Variants in NEGR1 observed in about 807,000 individuals in gnomAD.
NEGR1 encodes neuronal growth regulator 1.
NEGR1 carries 10 observed loss-of-function variants against 40.9 expected under a neutral mutation model. The observed-to-expected ratio is 0.24, with a 90% CI of 0.15 to 0.42. The LOEUF is 0.42. Ranked by LOEUF, NEGR1 falls within the 10% of genes least tolerant of loss-of-function variation. The probability of loss-of-function intolerance (pLI) is 1.00; values close to 1 mark genes in which losing one functional copy is unlikely to be tolerated. For missense variants in NEGR1, 352 were observed against 438.9 expected, an observed-to-expected ratio of 0.80 and a Z score of 1.77; for synonymous variants, 185 against 166.8, an observed-to-expected ratio of 1.11 and a Z score of -0.84.
chr1:71,506,366 C>T (rs1347353125), intron 6 of NEGR1, among the ~76,000 whole-genome samples: 1 of 152,078 alleles, frequency 6.6e-6, no homozygotes, highest in African/African-American at 2.4e-5. Context: ...AAGAGGCAAC[C>T]TGTTACTTTT....
intron 6 of NEGR1, among the ~76,000 whole-genome samples, chr1:71,510,292 C>T (rs1240543691): frequency 1.3e-5 from 2 of 152,084 alleles, no homozygotes; most frequent in African/African-American, 4.8e-5. Flanking sequence ...CTATTAAAAA[C>T]CAAATTAAAC....
chr1:71,769,298 G>A (rs1448282663), intron 3 of NEGR1, among the ~76,000 whole-genome samples: 2 of 152,024 alleles, frequency 1.3e-5, no homozygotes, highest in South Asian at 2.1e-4. Context: ...AGTTTACAGT[G>A]ATTTTTACCT....
intron 4 of NEGR1, among the ~76,000 whole-genome samples, chr1:71,677,544 A>G (rs546092125): frequency 6.6e-6 from 1 of 152,278 alleles, no homozygotes; most frequent in Non-Finnish European, 1.5e-5. Flanking sequence ...GCAAACCCTT[A>G]ATATAATTTA....
intron 4 of NEGR1, among the ~76,000 whole-genome samples, chr1:71,685,547 C>T (rs10789319): frequency 0.98 from 149,641 of 152,188 alleles, 73,606 homozygotes; most frequent in Middle Eastern, 1. Flanking sequence ...CTCTTGAACT[C>T]CTGACTTTGT....
intron 6 of NEGR1, among the ~76,000 whole-genome samples, chr1:71,449,770 G>A (rs973719664): frequency 2.6e-5 from 4 of 151,966 alleles, no homozygotes; most frequent in African/African-American, 9.7e-5. Context: ...ATATGCTCGA[G>A]GTTACATGAT....
Position 71,402,107 on chromosome 1 carries a change from T to A in NEGR1, c.*5339A>T, listed in dbSNP as rs949338325. 1 of 152,184 alleles carries A rather than the reference T, an allele frequency of 6.6e-6. No individual in the cohort carries two copies. Among genetic ancestry groups the A allele is most frequent in the South Asian group, 2.1e-4 (1 of 4,836 alleles). 9.4% of individuals were successfully genotyped at this position (152,184 alleles called of 1,614,324 possible). On this transcript the variant is annotated 3_prime_UTR_variant, in exon 7 of 7. Coordinates refer to ENST00000357731, the MANE Select transcript of NEGR1 (RefSeq NM_173808.3). The stretch of plus-strand genomic sequence containing the variant: ...TTCTTTTTCCTAGGTAGTCTGGGAC[T>A]GGAAACAAATTGGGAACATTTTTCA...
chr1:71,652,778 C>G (rs1044338707), intron 4 of NEGR1, among the ~76,000 whole-genome samples: 1 of 151,604 alleles, frequency 6.6e-6, no homozygotes, highest in Non-Finnish European at 1.5e-5. Context: ...GTGGGAGGAT[C>G]GTTTGAGCCC....
At chr1:71,833,770 C>T (rs540785822) in intron 2 of NEGR1, among the ~76,000 whole-genome samples, 1 of 152,166 alleles carries the variant, frequency 6.6e-6, no homozygotes, top group African/African-American at 2.4e-5. Flanking sequence ...TGCCATTCTT[C>T]ATGTGCTTAA....
intron 1 of NEGR1, among the ~76,000 whole-genome samples, chr1:72,150,384 T>C (rs1325864742): frequency 1.3e-5 from 2 of 152,164 alleles, no homozygotes; most frequent in Admixed American, 6.5e-5. Flanking sequence ...GGGGCTACTA[T>C]AGAAATTGTT....
chr1:72,207,309 C>T (rs1043377201), intron 1 of NEGR1, among the ~76,000 whole-genome samples: 1 of 151,560 alleles, frequency 6.6e-6, no homozygotes, highest in African/African-American at 2.4e-5. Context: ...GAATTTAACA[C>T]CAGATAAACA....
chr1:71,846,430 C>T (rs1010074337), intron 2 of NEGR1, among the ~76,000 whole-genome samples: 12 of 130,492 alleles, frequency 9.2e-5, no homozygotes, highest in Admixed American at 2.8e-4. Context: ...CACACACATG[C>T]AGGTTATGGA....
At chr1:71,886,528 C>T (rs1660728987) in intron 2 of NEGR1, among the ~76,000 whole-genome samples, 1 of 151,170 alleles carries the variant, frequency 6.6e-6, no homozygotes, top group South Asian at 2.1e-4. Flanking sequence ...ATAAATTAGA[C>T]TTTAGTTTTT....
At chr1:71,982,201 C>A (rs1256677965) in intron 1 of NEGR1, among the ~76,000 whole-genome samples, 2 of 152,056 alleles carry the variant, frequency 1.3e-5, no homozygotes, top group African/African-American at 2.4e-5. Context: ...CAAATCCAAA[C>A]CAAGGCCCAA....
At chr1:71,596,101 A>G (rs2007130) in intron 5 of NEGR1, among the ~76,000 whole-genome samples, 130,867 of 150,974 alleles carry the variant, frequency 0.87, 59,122 homozygotes, top group Non-Finnish European at 1. Flanking sequence ...GTTAAATATG[A>G]CATCCATTTC....
At chr1:71,565,014 C>T (rs747198326) in intron 6 of NEGR1, among the ~76,000 whole-genome samples, 11 of 152,062 alleles carry the variant, frequency 7.2e-5, no homozygotes, top group Non-Finnish European at 1.2e-4. Flanking sequence ...TAGGTAAGTA[C>T]ACAAATTTTG....
chr1:71,732,995 T>C (rs1012590658), intron 3 of NEGR1, among the ~76,000 whole-genome samples: 3 of 151,862 alleles, frequency 2.0e-5, no homozygotes, highest in African/African-American at 4.8e-5. Flanking sequence ...GAGCCTTTAA[T>C]ATGTTAATGT....
chr1:71,582,477 T>C (rs993224977), intron 6 of NEGR1, among the ~76,000 whole-genome samples: 2 of 152,198 alleles, frequency 1.3e-5, no homozygotes, highest in African/African-American at 4.8e-5. Context: ...TTCTGGCCTT[T>C]CTCTCTATCT....
At chr1:71,856,623 CA>C (rs1156570845) in intron 2 of NEGR1, among the ~76,000 whole-genome samples, 1 of 152,018 alleles carries the variant, frequency 6.6e-6, no homozygotes, top group East Asian at 1.9e-4. Context: ...GTGAGATAAA[CA>C]GAATTCCAGC....
chr1:72,124,330 T>C (rs188275199), intron 1 of NEGR1, among the ~76,000 whole-genome samples: 1 of 151,906 alleles, frequency 6.6e-6, no homozygotes, highest in Non-Finnish European at 1.5e-5. Context: ...CCTACTATTA[T>C]GGCCCTGCTT....
Sources: allele counts gnomAD v4.1 joint callset (sites outside exome capture counted in the v4.1 genomes callset), GRCh38; gene constraint gnomAD v4.1.1; transcripts MANE v1.5; gene names NCBI Gene and HGNC (gene_info 2026-07-23, HGNC 2026-07-21).